DENND3: variants seen among roughly 807,000 people sequenced by gnomAD.
The protein encoded by DENND3 is DENN domain-containing protein 3.
Under a neutral mutation model 135.1 loss-of-function variants are expected in DENND3, and 88 were observed. The observed-to-expected ratio is 0.65, with a 90% CI of 0.55 to 0.78. The LOEUF (loss-of-function observed/expected upper bound fraction) is 0.78. Among genes scored for constraint, DENND3 ranks in the 30% least tolerant of loss-of-function variants. DENND3 has a pLI of 0.00. For missense variants in DENND3, 1,392 were observed against 1,688.4 expected, an observed-to-expected ratio of 0.82 and a Z score of 3.08; for synonymous variants, 693 against 712.3, an observed-to-expected ratio of 0.97 and a Z score of 0.43.
intron 13 of DENND3, among the ~76,000 whole-genome samples, chr8:141,169,420 G>T (rs753444891): frequency 6.6e-6 from 1 of 152,254 alleles, no homozygotes; most frequent in Non-Finnish European, 1.5e-5. Flanking sequence ...AGATGAAGAC[G>T]CTCCTTGTCC....
At position 141,139,485 on chromosome 8, in the gene DENND3, G is replaced by A. The variant is rs1367109414; in HGVS notation, c.501+1348G>A. 6.6e-6 allele frequency among the ~76,000 whole-genome samples: 1 copy of A among 152,198 alleles called. No individual in the cohort carries two copies. The highest frequency in any genetic ancestry group is 1.9e-4 in the East Asian group (1 of 5,196). On this transcript the variant is annotated intron_variant, in intron 3 of 22. Coordinates refer to ENST00000519811, the MANE Select transcript of DENND3 (RefSeq NM_001352890.3). This position sits in a 1 kb window ranked among gnomAD's most constrained non-coding sequence, Gnocchi z 4.2. ...CGGGCGGTGCATGCAGGGGACCAGC[G>A]TCCGCCTCTGTGACCTGGCTGCCAG...
intron 8 of DENND3, among the ~76,000 whole-genome samples, chr8:141,156,477 C>T (rs752520195): frequency 2.5e-4 from 38 of 152,172 alleles, no homozygotes; most frequent in Non-Finnish European, 4.3e-4. Context: ...CATCCTGTCT[C>T]TTGAGAGGAA....
chr8:141,181,374 G>A (rs1286984594), intron 17 of DENND3, among the ~76,000 whole-genome samples: 2 of 152,218 alleles, frequency 1.3e-5, no homozygotes, highest in Non-Finnish European at 2.9e-5. Context: ...TTCCGCAGAA[G>A]CTCTTAATGG....
Position 141,168,634 on chromosome 8 carries a change from C to T in DENND3, c.2275+109C>T. On this transcript the variant is annotated intron_variant, in intron 13 of 22. Coordinates refer to ENST00000519811, the MANE Select transcript of DENND3 (RefSeq NM_001352890.3). The surrounding 1 kb of genome is among the most constrained non-coding windows in gnomAD (Gnocchi z 6.2). ...AATCACAGCTCACTGCAACCTCCACCTCCTGGGCTCAAGCAGTCCTCCCAC... is the reference window on the plus strand; with the variant it reads ...AATCACAGCTCACTGCAACCTCCACTTCCTGGGCTCAAGCAGTCCTCCCAC... The T allele has an allele frequency of 7.3e-7, 1 of 1,373,932 alleles. No homozygotes were observed. The highest frequency in any genetic ancestry group is 9.7e-7 in the Non-Finnish European group (1 of 1,025,818). The allele number at this position is 1,373,932 out of a possible 1,614,324, so 85.1% of individuals were successfully genotyped here.
Position 141,138,500 on chromosome 8 carries a change from C to G in DENND3, c.501+363C>G, listed in dbSNP as rs556079008. ...TCCTGGGTTCAAGTGGTTCTCCTGC[C>G]TCAGCCTCCCGAGTAGCTGGGATTA... On this transcript the variant is annotated intron_variant, in intron 3 of 22. Transcript: ENST00000519811. This position sits in a 1 kb window ranked among gnomAD's most constrained non-coding sequence, Gnocchi z 4.8. Among the ~76,000 whole-genome samples the G allele has an allele frequency of 1.8e-4, 27 of 152,200 alleles. No homozygotes were observed. In the South Asian group the frequency reaches 5.6e-3, roughly 32 times the overall value.
intron 5 of DENND3, among the ~76,000 whole-genome samples, chr8:141,149,466 T>C (rs1295211644): frequency 3.3e-5 from 5 of 152,258 alleles, no homozygotes; most frequent in Non-Finnish European, 7.3e-5. Flanking sequence ...ATATTAAACA[T>C]TGAAGTAAAT....
At chr8:141,165,314 C>T in intron 11 of DENND3, 25 bp downstream of exon 11, 1 of 1,580,564 alleles carries the variant, frequency 6.3e-7, no homozygotes, top group Non-Finnish European at 8.7e-7. Context: ...TGTTTTGGAT[C>T]TGCAGCTCTT....
intron 18 of DENND3, among the ~76,000 whole-genome samples, chr8:141,188,042 G>GCCAGGCGTGGTGGCATCAA (rs1824141160): frequency 6.8e-6 from 1 of 147,018 alleles, no homozygotes; most frequent in Non-Finnish European, 1.5e-5. Context: ...CCAAACATCA[G>GCCAGGCGTGGTGGCATCAA]CCAGGCGTGG....
At chr8:141,186,776 G>A (rs1294118990) in intron 18 of DENND3, among the ~76,000 whole-genome samples, 1 of 152,180 alleles carries the variant, frequency 6.6e-6, no homozygotes, top group Non-Finnish European at 1.5e-5. Flanking sequence ...TGTGGAAGCT[G>A]GGATTCCTGC....
chr8:141,135,134 CTCTT>C lies in DENND3; in HGVS notation c.103-1357_103-1354del, dbSNP rs1189073673. 2.2e-3 allele frequency among the ~76,000 whole-genome samples: 340 copies of C among 151,180 alleles called. 1 individual carries two copies. The highest frequency in any genetic ancestry group is 7.6e-3 in the African/African-American group (310 of 40,992). ...TACAGGCATGAGCCACCGCGCCCAG[CTCTT>C]TCTTTCTTTCTTTCTTTTTTTTTTT... is the stretch of plus-strand genomic sequence containing the variant. On this transcript the variant is annotated intron_variant, in intron 1 of 22. Coordinates refer to ENST00000519811, the MANE Select transcript of DENND3 (RefSeq NM_001352890.3).
intron 8 of DENND3, among the ~76,000 whole-genome samples, chr8:141,156,980 C>T (rs2154613010): frequency 6.6e-6 from 1 of 152,054 alleles, no homozygotes; most frequent in East Asian, 1.9e-4. Flanking sequence ...AGATGGGTTT[C>T]ACTATGTTGG....
chr8:141,142,036 C>G (rs1187499728), intron 4 of DENND3: 1 of 281,442 alleles, frequency 3.6e-6, no homozygotes, highest in African/African-American at 2.3e-5. Context: ...AGAGCAGGAC[C>G]CTGTCATCTT....
rs1329650944 is a variant in DENND3 at position 141,128,736 on chromosome 8, C to T, written c.29C>T (p.Ser10Leu). 3 of 1,442,352 alleles carry T rather than the reference C, an allele frequency of 2.1e-6. No homozygotes were observed. Among genetic ancestry groups the T allele is most frequent in the Non-Finnish European group, 2.7e-6 (3 of 1,099,642 alleles). 89.3% of individuals were successfully genotyped at this position (1,442,352 alleles called of 1,614,324 possible). A position where few individuals can be genotyped will look rare whatever the true frequency, so the allele number is the denominator to read the frequency against. Residue 10 changes from serine (S) to leucine (L), a missense_variant, in exon 1 of 23, where the codon TCG (serine) becomes TTG (leucine). Physicochemically the swap from Ser to Leu is moderately radical, Grantham distance 145 (BLOSUM62 -2). Coordinates refer to ENST00000519811, the MANE Select transcript of DENND3 (RefSeq NM_001352890.3). This position sits in a 1 kb window ranked among gnomAD's most constrained non-coding sequence, Gnocchi z 4.5. ...GCGGAGGCCGCGTCGCCGCACTTGTCGCTGCCCTCGGGGCTGCTGGAGCTC... is the reference window on the plus strand; with the variant it reads ...GCGGAGGCCGCGTCGCCGCACTTGTTGCTGCCCTCGGGGCTGCTGGAGCTC... MAEAASPHL[S>L]LPSGLLELCA...
Position 141,155,939 on chromosome 8 carries a change from C to T in DENND3, c.1165C>T (p.Pro389Ser). ...TDDNVDIPDV[P>S]LLAAQTFIQR... ...CGATAACGTGGACATTCCTGATGTC[C>T]CCCTCCTGGCAGCCCAGACGTTTAT... The change falls in exon 8 of 23, where the codon CCC (proline) becomes TCC (serine). Residue 389 changes from proline to serine, a missense_variant. Transcript: ENST00000519811. The T allele has an allele frequency of 2.5e-6, 4 of 1,611,880 alleles. No individual in the cohort carries two copies. The highest frequency in any genetic ancestry group is 3.4e-6 in the Non-Finnish European group (4 of 1,178,670).
At chr8:141,147,521 A>G (rs962498464) in intron 5 of DENND3, among the ~76,000 whole-genome samples, 2 of 152,036 alleles carry the variant, frequency 1.3e-5, no homozygotes, top group African/African-American at 4.8e-5. Context: ...CGCTGTTTCC[A>G]CAAACACTGT....
chr8:141,178,177 TGATAA>T lies in DENND3; in HGVS notation c.2821_2825del (p.Lys941GlufsTer2), dbSNP rs930117957. ...ACGCTGCCTCCAAGTTATCCTACTT[TGATAA>T]GATGAGTAACGAAAGTAAGATAAGC... is the stretch of plus-strand genomic sequence containing the variant. On this transcript the variant is annotated frameshift_variant, in exon 16 of 23. Coordinates refer to ENST00000519811, the MANE Select transcript of DENND3 (RefSeq NM_001352890.3). LOFTEE classifies it high-confidence loss of function. 2 of 1,611,258 alleles carry T rather than the reference TGATAA, an allele frequency of 1.2e-6. No individual in the cohort carries two copies. The highest frequency in any genetic ancestry group is 1.3e-5 in the African/African-American group (1 of 75,034).
rs1822245511 is a variant in DENND3 at position 141,175,717 on chromosome 8, C to T, written c.2535+258C>T. On this transcript the variant is annotated intron_variant, in intron 14 of 22. Transcript: ENST00000519811. The surrounding 1 kb of genome is among the most constrained non-coding windows in gnomAD (Gnocchi z 5.4). ...GTAACTGATTCTCTGTCACAGCTGA[C>T]TTGCATCTGGGAGGCAGGAAGTAAG... 1 of 520,714 alleles carries T rather than the reference C, an allele frequency of 1.9e-6. No homozygotes were observed. Among genetic ancestry groups the T allele is most frequent in the Admixed American group, 3.1e-5 (1 of 32,496 alleles). The allele number at this position is 520,714 out of a possible 1,614,324, so 32.3% of individuals were successfully genotyped here.
chr8:141,178,561 C>T (rs1822692209), intron 16 of DENND3, among the ~76,000 whole-genome samples: 1 of 152,218 alleles, frequency 6.6e-6, no homozygotes, highest in African/African-American at 2.4e-5. Context: ...CTCCTGGAAT[C>T]TCTGACTGGT....
intron 9 of DENND3, among the ~76,000 whole-genome samples, chr8:141,162,432 A>T (rs1820244887): frequency 6.6e-6 from 1 of 151,982 alleles, no homozygotes. Flanking sequence ...CCGGCTCTTT[A>T]AAAAAAAGAG....
Sources: gnomAD v4.1 joint callset for allele counts (sites outside exome capture counted in the v4.1 genomes callset) on GRCh38, gnomAD v4.1.1 for gene constraint, Gnocchi (gnomAD v3.1) non-coding constraint, MANE v1.5 for transcripts, NCBI Gene and HGNC (gene_info 2026-07-23, HGNC 2026-07-21) for gene names.